The following EFHB variants were observed in gnomAD, a reference collection of about 807,000 sequenced individuals.
EFHB encodes the protein EF-hand domain family member B.
In EFHB, 91 loss-of-function variants were observed where a neutral mutation model predicts 87.2. The ratio of observed to expected loss-of-function variants is 1.04; its 90% CI spans 0.88 to 1.24. The LOEUF (loss-of-function observed/expected upper bound fraction) is 1.24, where lower values mean the gene tolerates loss of function less well. EFHB is among the 50% of genes most tolerant of loss of function. The probability of loss-of-function intolerance (pLI) is 0.00; values close to 1 mark genes in which losing one functional copy is unlikely to be tolerated. For synonymous variants in EFHB, 325 were observed against 333.6 expected (o/e 0.97, Z 0.28); for missense variants, 1,084 against 998.8 (o/e 1.09, Z -1.15).
At position 19,882,613 on chromosome 3, in the gene EFHB, A is replaced by G. The variant is rs1384918648; in HGVS notation, c.2265T>C (p.Pro755=). 6.2e-7 allele frequency: 1 copy of G among 1,612,490 alleles called. No homozygotes were observed. The highest frequency in any genetic ancestry group is 1.1e-5 in the South Asian group (1 of 90,770). Residue 755 remains proline (P), a synonymous_variant, in exon 12 of 13, where the codon CCT becomes CCC. Transcript: ENST00000295824. ...EEGSAYSLLY[P]TIFARKGVFE... ...ACACTCCTTTCCGGGCAAAAATGGT[A>G]GGATATAGTAGTGAATATGCACTAC...
chr3:19,915,277 C>A (rs1055022806), intron 5 of EFHB, 26 bp downstream of exon 5: 2 of 1,502,860 alleles, frequency 1.3e-6, no homozygotes, highest in African/African-American at 1.4e-5. Flanking sequence ...TATCCTCAGG[C>A]CCATTTTGCA....
At chr3:19,936,337 G>GGAA, upstream of EFHB, 2 of 447,858 alleles carry the variant, frequency 4.5e-6, no homozygotes, top group South Asian at 3.6e-5. Flanking sequence ...GCGACAGACT[G>GGAA]AAAAAAAAAA....
At chr3:19,943,692 C>A (rs1696210327) in intron 1 of EFHB, among the ~76,000 whole-genome samples, 1 of 152,042 alleles carries the variant, frequency 6.6e-6, no homozygotes, top group Admixed American at 6.6e-5. Context: ...AATACTACAC[C>A]ATTTTACATG....
rs995248978 is a variant in EFHB, at chr3:19,940,626, G to T, written c.-31-4292C>A. 3 of 425,866 alleles carry T rather than the reference G, an allele frequency of 7.0e-6. No individual in the cohort carries two copies. In the Admixed American group the frequency reaches 8.1e-5, roughly 12 times the overall value. The allele number at this position is 425,866 out of a possible 1,614,324, so 26.4% of individuals were successfully genotyped here. Reference sequence around the variant, plus strand: ...CAGCTTTGTACTATTCAGCCTCCTGGACCACACATTTAATGTCTTTCTTGC... The same window carrying T: ...CAGCTTTGTACTATTCAGCCTCCTGTACCACACATTTAATGTCTTTCTTGC... On this transcript the variant is annotated intron_variant, in intron 1 of 14. Transcript: ENST00000344838.
In EFHB at chr3:19,884,927, A is replaced by T. The variant is rs560887844; in HGVS notation, c.1934-312T>A. 5.3e-5 allele frequency among the ~76,000 whole-genome samples: 8 copies of T among 152,162 alleles called. No individual in the cohort carries two copies. In the East Asian group the frequency reaches 1.5e-3, roughly 29 times the overall value. ...TCATTTCTTTTCTTAAAAAAAAAAA[A>T]AAAAAATAGAGCGGCCAGGCACGGT... On this transcript the variant is annotated intron_variant, in intron 10 of 12. Coordinates refer to ENST00000295824, the MANE Select transcript of EFHB (RefSeq NM_144715.4).
chr3:19,933,113 T>C (rs1267928073), intron 1 of EFHB, 117 bp downstream of exon 1: 22 of 1,261,428 alleles, frequency 1.7e-5, no homozygotes, highest in Non-Finnish European at 2.3e-5. Context: ...TATAGGAATC[T>C]CATAAAATCC....
In EFHB at chr3:19,898,822, G is replaced by T; in HGVS notation, c.1526C>A (p.Pro509His). The change falls in exon 8 of 13, where the codon CCC becomes CAC. Residue 509 changes from proline to histidine, a missense_variant. Transcript: ENST00000295824. ...LDPIAETMNV[P>H]PDCTFGACLR... ...ACAAGCTCCAAATGTGCAGTCTGGGGGAACATTCATTGTTTCTGCAATGCT... is the reference window on the plus strand; with the variant it reads ...ACAAGCTCCAAATGTGCAGTCTGGGTGAACATTCATTGTTTCTGCAATGCT... 6.2e-7 allele frequency: 1 copy of T among 1,613,584 alleles called. No individual in the cohort carries two copies. Among genetic ancestry groups the T allele is most frequent in the Non-Finnish European group, 8.5e-7 (1 of 1,179,746 alleles).
At chr3:19,898,907 A>G in intron 7 of EFHB, 62 bp from the exon 8 acceptor site, 2 of 1,544,632 alleles carry the variant, frequency 1.3e-6, no homozygotes, top group South Asian at 2.3e-5. Context: ...GGAATTTAAA[A>G]TATGTTTGCC....
At chr3:19,884,721 G>A in intron 10 of EFHB, 106 bp from the exon 11 acceptor site, 1 of 1,090,576 alleles carries the variant, frequency 9.2e-7, no homozygotes, top group South Asian at 1.6e-5. Context: ...TCTTGCTAAT[G>A]GAAACAGCTG....
At chr3:19,883,335 A>G (rs2071728566) in intron 11 of EFHB, among the ~76,000 whole-genome samples, 1 of 152,194 alleles carries the variant, frequency 6.6e-6, no homozygotes, top group South Asian at 2.1e-4. Flanking sequence ...TTGTAAATAC[A>G]TAGATGACTT....
intron 10 of EFHB, among the ~76,000 whole-genome samples, chr3:19,887,418 G>A (rs570207941): frequency 1.3e-5 from 2 of 148,414 alleles, no homozygotes; most frequent in African/African-American, 2.5e-5. Flanking sequence ...AGAGAAATGC[G>A]AAAGTTAAAT....
At chr3:19,939,015 T>C (rs762612166), upstream of EFHB, among the ~76,000 whole-genome samples, 111 of 152,228 alleles carry the variant, frequency 7.3e-4, no homozygotes, top group Non-Finnish European at 1.5e-3. Flanking sequence ...CAAGCGATTC[T>C]CCTGCCTCAG....
At chr3:19,939,630 C>T (rs1467052623) in intron 1 of EFHB, among the ~76,000 whole-genome samples, 4 of 151,894 alleles carry the variant, frequency 2.6e-5, no homozygotes, top group Admixed American at 1.3e-4. Context: ...GTGATCCGCC[C>T]GCCTCGACCT....
chr3:19,938,782 C>A (rs1696080180), upstream of EFHB, among the ~76,000 whole-genome samples: 2 of 152,192 alleles, frequency 1.3e-5, no homozygotes, highest in East Asian at 3.8e-4. Context: ...CCTCCGTGAT[C>A]CAGTCTCTGC....
intron 1 of EFHB, among the ~76,000 whole-genome samples, chr3:19,931,329 C>T (rs1049598838): frequency 6.6e-6 from 1 of 152,152 alleles, no homozygotes; most frequent in African/African-American, 2.4e-5. Flanking sequence ...GGAAGGTATG[C>T]GAAGTGGGAG....
intron 11 of EFHB, among the ~76,000 whole-genome samples, chr3:19,883,289 C>T (rs1290461038): frequency 6.6e-6 from 1 of 152,174 alleles, no homozygotes; most frequent in African/African-American, 2.4e-5. Context: ...GCATGAGCCA[C>T]CATGCCCAGC....
In EFHB at chr3:19,882,072, A is replaced by G. The variant is rs1295700956; in HGVS notation, c.2328+478T>C. On this transcript the variant is annotated intron_variant, in intron 12 of 12. Coordinates refer to ENST00000295824, the MANE Select transcript of EFHB (RefSeq NM_144715.4). Reference sequence around the variant, plus strand: ...ATAAATAAATAAATAATTAAATAAGACAGATGTATTACCTTACCTGTGTTG... The same window carrying G: ...ATAAATAAATAAATAATTAAATAAGGCAGATGTATTACCTTACCTGTGTTG... Among the ~76,000 whole-genome samples the G allele has an allele frequency of 3.7e-5, 5 of 135,332 alleles. No individual in the cohort carries two copies. The South Asian group carries it at 9.1e-4, about 25-fold the overall frequency. The allele number at this position is 135,332 out of a possible 152,430, so 88.8% of individuals were successfully genotyped here.
intron 9 of EFHB, among the ~76,000 whole-genome samples, chr3:19,896,073 C>A (rs1694472069): frequency 6.6e-6 from 1 of 152,202 alleles, no homozygotes; most frequent in South Asian, 2.1e-4. Flanking sequence ...ACATTCTAAG[C>A]TTGACTTGGA....
Position 19,899,486 on chromosome 3 carries a change from C to G in EFHB, c.1448G>C (p.Arg483Thr), listed in dbSNP as rs771622248. Residue 483 changes from arginine to threonine, a missense_variant, in exon 7 of 13, where the codon AGA (arginine) becomes ACA (threonine). Arg to Thr is a moderately conservative substitution (Grantham distance 71). Coordinates refer to ENST00000295824, the MANE Select transcript of EFHB (RefSeq NM_144715.4). ...MKRGAKFVSKRADDFKEKFQH... is the reference protein window; with the variant it reads ...MKRGAKFVSKTADDFKEKFQH... ...AAACTTTTCTTTGAAATCATCTGCT[C>G]TTTTGGATACAAACTTAGCTCCTCT... 30 of 1,606,492 alleles carry G rather than the reference C, an allele frequency of 1.9e-5. No individual in the cohort carries two copies. The highest frequency in any genetic ancestry group is 2.4e-5 in the Non-Finnish European group (28 of 1,177,458).
Sources: allele counts gnomAD v4.1 joint callset (sites outside exome capture counted in the v4.1 genomes callset), GRCh38; gene constraint gnomAD v4.1.1; transcripts MANE v1.5; gene names NCBI Gene and HGNC (gene_info 2026-07-23, HGNC 2026-07-21).